SCAPER: variants seen among roughly 807,000 people sequenced by gnomAD.
SCAPER encodes S-phase cyclin A associated protein in the ER.
SCAPER carries 98 observed loss-of-function variants against 182.2 expected under a neutral mutation model. That is an observed-to-expected ratio of 0.54 (90% CI 0.46 to 0.64). SCAPER has a LOEUF of 0.64. Among genes scored for constraint, SCAPER ranks in the 30% least tolerant of loss-of-function variants. SCAPER has a pLI of 0.00. For missense variants in SCAPER, 1,432 were observed against 1,690.0 expected (o/e 0.85, Z 2.68); for synonymous variants, 605 against 564.6 (o/e 1.07, Z -1.01).
intron 23 of SCAPER, among the ~76,000 whole-genome samples, chr15:76,548,563 C>T (rs80207860): frequency 0.049 from 7,449 of 152,252 alleles, 232 homozygotes; most frequent in South Asian, 0.12. Flanking sequence ...AACACTGCAT[C>T]TGTAAGCGCC....
intron 9 of SCAPER, among the ~76,000 whole-genome samples, chr15:76,774,140 T>C (rs2063615170): frequency 6.6e-6 from 1 of 151,894 alleles, no homozygotes; most frequent in Admixed American, 6.6e-5. Context: ...AACCAAGTAC[T>C]CAAAGTTAAT....
At chr15:76,813,110 C>T (rs1158167948) in intron 5 of SCAPER, among the ~76,000 whole-genome samples, 1 of 150,804 alleles carries the variant, frequency 6.6e-6, no homozygotes, top group African/African-American at 2.4e-5. Flanking sequence ...TGGTTCAATA[C>T]ATGCAAATCA....
chr15:76,494,227 A>C (rs913056443), intron 24 of SCAPER, among the ~76,000 whole-genome samples: 20 of 152,280 alleles, frequency 1.3e-4, no homozygotes, highest in Middle Eastern at 3.4e-3. Flanking sequence ...GGCTGATCTG[A>C]GCCTTAAAGA....
intron 5 of SCAPER, among the ~76,000 whole-genome samples, chr15:76,812,822 C>G (rs2066739484): frequency 6.6e-6 from 1 of 150,608 alleles, no homozygotes; most frequent in Admixed American, 6.6e-5. Flanking sequence ...AAGAAAAGTC[C>G]AAAACCAGAT....
chr15:76,421,136 A>T (rs1054827210), intron 26 of SCAPER, among the ~76,000 whole-genome samples: 1 of 152,260 alleles, frequency 6.6e-6, no homozygotes, highest in Non-Finnish European at 1.5e-5. Context: ...GTATATACCC[A>T]GTAATGGGAT....
At chr15:76,887,188 C>G (rs2073886649) in intron 1 of SCAPER, among the ~76,000 whole-genome samples, 1 of 152,130 alleles carries the variant, frequency 6.6e-6, no homozygotes, top group Non-Finnish European at 1.5e-5. Flanking sequence ...GAGTCCGTTC[C>G]AAGATGGCCA....
intron 21 of SCAPER, among the ~76,000 whole-genome samples, chr15:76,625,158 G>A (rs553661624): frequency 3.9e-5 from 6 of 152,280 alleles, no homozygotes; most frequent in Non-Finnish European, 7.4e-5. Context: ...GATGAGCTGG[G>A]TGGATCTGTC....
intron 3 of SCAPER, among the ~76,000 whole-genome samples, chr15:76,858,307 T>C (rs1232722202): frequency 1.3e-5 from 2 of 152,206 alleles, no homozygotes; most frequent in Non-Finnish European, 2.9e-5. Context: ...CCCCAATATT[T>C]TGTTTTATCT....
At chr15:76,445,680 C>T (rs1049119384) in intron 25 of SCAPER, among the ~76,000 whole-genome samples, 4 of 152,080 alleles carry the variant, frequency 2.6e-5, no homozygotes, top group Non-Finnish European at 5.9e-5. Context: ...GGCTTGTTAC[C>T]ACAGGAAGCT....
intron 24 of SCAPER, among the ~76,000 whole-genome samples, chr15:76,489,148 T>C (rs1342851160): frequency 1.3e-5 from 2 of 148,302 alleles, no homozygotes; most frequent in Admixed American, 1.3e-4. Context: ...TATTAAAAAA[T>C]CTGATATTAC....
intron 8 of SCAPER, chr15:76,793,224 A>C (rs2065112467): frequency 8.6e-7 from 1 of 1,157,440 alleles, no homozygotes; most frequent in Non-Finnish European, 1.3e-6. Context: ...TATTACTTGA[A>C]GTATACACCT....
chr15:76,569,938 C>G (rs1224058319), intron 23 of SCAPER, among the ~76,000 whole-genome samples: 1 of 152,036 alleles, frequency 6.6e-6, no homozygotes, highest in Non-Finnish European at 1.5e-5. Flanking sequence ...TCTGGAGCAT[C>G]TGTAGGTCTG....
chr15:76,701,700 A>G, intron 20 of SCAPER, 58 bp downstream of exon 20: 1 of 1,313,950 alleles, frequency 7.6e-7, no homozygotes, highest in Admixed American at 1.8e-5. Flanking sequence ...CTTTATAATA[A>G]AACAGCACAT....
chr15:76,498,213 G>A (rs753411108), intron 24 of SCAPER: 31 of 152,138 alleles, frequency 2.0e-4, no homozygotes, highest in African/African-American at 7.5e-4. Context: ...AGTTCCCTAA[G>A]GACAGGGTCT....
At chr15:76,787,980 C>T (rs952823478) in intron 8 of SCAPER, among the ~76,000 whole-genome samples, 1 of 152,070 alleles carries the variant, frequency 6.6e-6, no homozygotes, top group Non-Finnish European at 1.5e-5. Context: ...ACTCTCAAAA[C>T]TGAACTGTAT....
intron 30 of SCAPER, 71 bp from the exon 31 acceptor site, chr15:76,351,359 A>T: frequency 7.2e-7 from 1 of 1,385,784 alleles, no homozygotes; most frequent in Admixed American, 2.2e-5. Flanking sequence ...GTGGCTTTAA[A>T]TATACTTCTG....
rs1397383911 is a variant in SCAPER at position 76,434,202 on chromosome 15, A to G, written c.3187T>C (p.Cys1063Arg). Reference sequence around the variant, plus strand: ...CCATCTGGTCGATTGGCAATCAGGCAGCCCAAAACCACAGCACTGACTTTG... The same window carrying G: ...CCATCTGGTCGATTGGCAATCAGGCGGCCCAAAACCACAGCACTGACTTTG... The part of the protein sequence containing the change: ...LLKVSAVVLG[C>R]LIANRPDGNC... Residue 1063 changes from cysteine (C) to arginine (R), a missense_variant, in exon 26 of 32, where the codon TGC becomes CGC. Physicochemically the swap from Cys to Arg is radical, Grantham distance 180. Around this residue, in one of 5 missense-constraint regions of SCAPER, gnomAD observed 718 missense variants for 799.7 expected, o/e 0.90. Coordinates refer to ENST00000563290, the MANE Select transcript of SCAPER (RefSeq NM_020843.4). 8.7e-6 allele frequency: 14 copies of G among 1,613,886 alleles called. No homozygotes were observed. The highest frequency in any genetic ancestry group is 1.6e-4 in the Middle Eastern group (1 of 6,082).
At position 76,863,847 on chromosome 15, in the gene SCAPER, C is replaced by G. The variant is rs144617585; in HGVS notation, c.7-1314G>C. 1.6e-4 allele frequency among the ~76,000 whole-genome samples: 25 copies of G among 152,254 alleles called. 1 individual carries two copies. The East Asian group carries it at 4.6e-3, about 28-fold the overall frequency. ...CCACCTGAGTCTCTTAGAATGCTCC[C>G]TCTTAGGGCAGTCACTCTTAAAATC... On this transcript the variant is annotated intron_variant, in intron 2 of 31. Coordinates refer to ENST00000563290, the MANE Select transcript of SCAPER (RefSeq NM_020843.4).
At chr15:76,440,181 C>G (rs1368574674) in intron 25 of SCAPER, among the ~76,000 whole-genome samples, 1 of 152,136 alleles carries the variant, frequency 6.6e-6, no homozygotes, top group Non-Finnish European at 1.5e-5. Flanking sequence ...CTTGAGGATA[C>G]AGAAATCATC....
Sources: allele counts gnomAD v4.1 joint callset (sites outside exome capture counted in the v4.1 genomes callset), GRCh38; gene constraint gnomAD v4.1.1; regional missense constraint gnomAD v4.1.1; transcripts MANE v1.5; gene names NCBI Gene and HGNC (gene_info 2026-07-23, HGNC 2026-07-21).